BLTP2: variants seen among roughly 807,000 people sequenced by gnomAD.
BLTP2 encodes the protein bridge-like lipid transfer protein family member 2, also known as U937-associated antigen.
the BLTP2 span, among the ~76,000 whole-genome samples, chr17:28,627,560 C>G: frequency 1.3e-5 from 2 of 152,150 alleles, no homozygotes; most frequent in Non-Finnish European, 2.9e-5. Context: ...GCACCCGCCA[C>G]CATGCACGGC....
the BLTP2 span, chr17:28,643,784 A>G: frequency 3.0e-6 from 3 of 989,502 alleles, no homozygotes; most frequent in Non-Finnish European, 4.7e-6. Context: ...CTTGAATCCC[A>G]TCTTAAATTA....
the BLTP2 span, chr17:28,634,390 C>T: frequency 1.2e-6 from 1 of 868,558 alleles, no homozygotes; most frequent in East Asian, 2.4e-5. Flanking sequence ...GGAAGCCCAC[C>T]CATCCCACTC....
chr17:28,620,057 A>G, the BLTP2 span: 1 of 1,564,226 alleles, frequency 6.4e-7, no homozygotes. Flanking sequence ...TTTTAAGTAG[A>G]CAAGTCTTGT....
the BLTP2 span, chr17:28,624,242 G>T: frequency 1.2e-6 from 2 of 1,613,952 alleles, no homozygotes; most frequent in South Asian, 2.2e-5. Context: ...CCTGACAGTT[G>T]ACCAATTCAA....
chr17:28,616,735 T>A, the BLTP2 span: 16 of 1,614,196 alleles, frequency 9.9e-6, no homozygotes, highest in Non-Finnish European at 1.3e-5. The surrounding 1 kb of genome is among the most constrained non-coding windows in gnomAD (Gnocchi z 4.8). Context: ...AGCTGGATGG[T>A]GAGAGGCACC....
At chr17:28,627,609 G>A in the BLTP2 span, among the ~76,000 whole-genome samples, 11 of 151,912 alleles carry the variant, frequency 7.2e-5, no homozygotes, top group Non-Finnish European at 1.0e-4. Flanking sequence ...GGGTTTCACC[G>A]TGTTAGCCAG....
the BLTP2 span, among the ~76,000 whole-genome samples, chr17:28,641,220 A>G: frequency 6.6e-6 from 1 of 152,226 alleles, no homozygotes; most frequent in Admixed American, 6.5e-5. Context: ...GGCATTTTCC[A>G]TCCACACTTG....
chr17:28,633,098 A>G, the BLTP2 span: 1 of 1,591,238 alleles, frequency 6.3e-7, no homozygotes, highest in Non-Finnish European at 8.6e-7. Flanking sequence ...TTCCCATGGC[A>G]CAGCCACTGC....
chr17:28,641,651 A>G, the BLTP2 span, among the ~76,000 whole-genome samples: 1 of 151,248 alleles, frequency 6.6e-6, no homozygotes, highest in African/African-American at 2.4e-5. Flanking sequence ...TTTTTTTAAA[A>G]AAAAAGGAAA....
At chr17:28,614,915 C>A in the BLTP2 span, 3 of 712,240 alleles carry the variant, frequency 4.2e-6, no homozygotes, top group Non-Finnish European at 7.2e-6. Context: ...CCATGCCCTG[C>A]AGCGAACAGA....
chr17:28,621,229 G>C, the BLTP2 span: 1 of 1,547,922 alleles, frequency 6.5e-7, no homozygotes, highest in Non-Finnish European at 8.9e-7. Context: ...TAATGTGAGA[G>C]CCTCCCAGCT....
chr17:28,621,588 GTTACAC>G, the BLTP2 span: 8 of 902,248 alleles, frequency 8.9e-6, no homozygotes, highest in Non-Finnish European at 3.7e-6. Flanking sequence ...GTTTCAAGTA[GTTACAC>G]TTACTATCTG....
chr17:28,644,744 C>T, the BLTP2 span, among the ~76,000 whole-genome samples: 1 of 152,178 alleles, frequency 6.6e-6, no homozygotes, highest in South Asian at 2.1e-4. Flanking sequence ...CAGTTCCTGG[C>T]CTCAGCATTT....
the BLTP2 span, among the ~76,000 whole-genome samples, chr17:28,640,915 T>C: frequency 6.6e-6 from 1 of 152,242 alleles, no homozygotes; most frequent in Non-Finnish European, 1.5e-5. Flanking sequence ...ATGAAAAGAA[T>C]GTGGACCTTA....
the BLTP2 span, chr17:28,637,035 T>G: frequency 1.2e-6 from 2 of 1,614,174 alleles, no homozygotes; most frequent in Non-Finnish European, 8.5e-7. Context: ...GGTAGGGATG[T>G]CAGGGGCCTT....
At chr17:28,628,694 G>T in the BLTP2 span, 1 of 729,278 alleles carries the variant, frequency 1.4e-6, no homozygotes, top group South Asian at 1.9e-5. Flanking sequence ...CAGCACTTTG[G>T]GAGGCCGAAG....
At chr17:28,642,289 T>C in the BLTP2 span, 1 of 1,614,180 alleles carries the variant, frequency 6.2e-7, no homozygotes, top group Non-Finnish European at 8.5e-7. Flanking sequence ...TGACCACTCT[T>C]TAGAACTTTG....
chr17:28,624,403 T>C, the BLTP2 span: 29 of 1,607,464 alleles, frequency 1.8e-5, no homozygotes, highest in East Asian at 1.6e-4. Flanking sequence ...GGCAGAGAAA[T>C]AGGAAGCAGG....
the BLTP2 span, chr17:28,621,627 T>C: frequency 4.4e-6 from 3 of 680,302 alleles, no homozygotes; most frequent in South Asian, 3.2e-5. Context: ...ATGGAATAGC[T>C]TGAACCATAT....
Sources: allele counts gnomAD v4.1 joint callset (sites outside exome capture counted in the v4.1 genomes callset), GRCh38; gene constraint gnomAD v4.1.1; non-coding constraint Gnocchi (gnomAD v3.1); transcripts MANE v1.5; gene names NCBI Gene and HGNC (gene_info 2026-07-23, HGNC 2026-07-21).